CA10: variants seen among roughly 807,000 people sequenced by gnomAD.
CA10 encodes the protein carbonic anhydrase-related protein 10.
CA10 carries 14 observed loss-of-function variants against 44.2 expected under a neutral mutation model. The observed-to-expected ratio is 0.32, with a 90% confidence interval of 0.21 to 0.50. CA10 has a LOEUF of 0.50. CA10 is among the 20% of genes least tolerant of loss of function. The pLI, the probability that CA10 is intolerant of heterozygous loss-of-function variation, is 0.99. For missense variants in CA10, 350 were observed against 409.7 expected (o/e 0.85, Z 1.26); for synonymous variants, 159 against 141.6 (o/e 1.12, Z -0.87).
At chr17:51,841,446 G>A (rs1396141227) in intron 3 of CA10, among the ~76,000 whole-genome samples, 1 of 152,198 alleles carries the variant, frequency 6.6e-6, no homozygotes, top group Non-Finnish European at 1.5e-5. Context: ...TGGTGCTCAT[G>A]GCAGTGTTTC....
intron 2 of CA10, among the ~76,000 whole-genome samples, chr17:52,065,433 C>T (rs1987508618): frequency 1.3e-5 from 2 of 152,148 alleles, no homozygotes; most frequent in African/African-American, 4.8e-5. Context: ...TATTCTGACC[C>T]AAGTTTGTTT....
intron 2 of CA10, among the ~76,000 whole-genome samples, chr17:51,985,836 C>T (rs1984814621): frequency 6.6e-6 from 1 of 151,974 alleles, no homozygotes; most frequent in African/African-American, 2.4e-5. Context: ...CTACAAAACA[C>T]TGCTGAAAGA....
chr17:52,086,013 C>A (rs959408177), intron 1 of CA10, among the ~76,000 whole-genome samples: 1 of 152,128 alleles, frequency 6.6e-6, no homozygotes, highest in Admixed American at 6.5e-5. Flanking sequence ...CAATTTATTT[C>A]ATTTCAGTCC....
At chr17:51,925,788 A>G (rs953619842) in intron 3 of CA10, among the ~76,000 whole-genome samples, 1 of 152,214 alleles carries the variant, frequency 6.6e-6, no homozygotes, top group Non-Finnish European at 1.5e-5. Context: ...ACATGCTCCA[A>G]CATGGATGGA....
intron 2 of CA10, among the ~76,000 whole-genome samples, chr17:52,059,323 C>A (rs1404503460): frequency 1.3e-5 from 2 of 152,086 alleles, no homozygotes; most frequent in Non-Finnish European, 2.9e-5. Context: ...AGCTCAATAC[C>A]CTGATTCTAT....
intron 3 of CA10, among the ~76,000 whole-genome samples, chr17:51,849,250 T>C (rs1171772659): frequency 1.5e-5 from 2 of 136,526 alleles, no homozygotes; most frequent in Admixed American, 7.6e-5. Context: ...TATATATATA[T>C]ATATATATAT....
chr17:51,838,229 C>T (rs891664211), intron 3 of CA10, among the ~76,000 whole-genome samples: 8 of 152,202 alleles, frequency 5.3e-5, no homozygotes, highest in Non-Finnish European at 8.8e-5. Flanking sequence ...AATCAAGATT[C>T]CTGGCTCTGC....
intron 4 of CA10, among the ~76,000 whole-genome samples, chr17:51,655,875 G>A (rs1913773725): frequency 6.6e-6 from 1 of 152,220 alleles, no homozygotes; most frequent in South Asian, 2.1e-4. Context: ...TGCCAGTGGA[G>A]ATGGATGACT....
rs935060725 is a variant in CA10, at chr17:51,931,050, G to T, written c.219C>A (p.Thr73=). The change falls in exon 3 of 9, where the codon ACC becomes ACA. Residue 73 remains threonine (T), a synonymous_variant. Transcript: ENST00000451037. ...GAAAGGGGTCGAAGATCATGTGACT[G>T]GTCTCTATGTTGACTGGCGACTGCC... ...GKRQSPVNIE[T]SHMIFDPFLT... 5 of 1,613,468 alleles carry T rather than the reference G, an allele frequency of 3.1e-6. No homozygotes were observed. The highest frequency in any genetic ancestry group is 2.2e-5 in the East Asian group (1 of 44,866).
At chr17:51,698,205 C>T (rs577464714) in intron 4 of CA10, among the ~76,000 whole-genome samples, 99 of 152,290 alleles carry the variant, frequency 6.5e-4, no homozygotes, top group African/African-American at 2.2e-3. Flanking sequence ...TGATTGCTGT[C>T]GCTATGTTCT....
At chr17:51,823,934 C>G (rs1907913968) in intron 3 of CA10, among the ~76,000 whole-genome samples, 1 of 152,110 alleles carries the variant, frequency 6.6e-6, no homozygotes, top group Admixed American at 6.6e-5. Flanking sequence ...TCTTTCTTAC[C>G]CCTCTCTGCT....
At chr17:52,148,469 A>C (rs1040100631) in intron 1 of CA10, among the ~76,000 whole-genome samples, 18 of 152,252 alleles carry the variant, frequency 1.2e-4, no homozygotes, top group Non-Finnish European at 2.2e-4. Context: ...TCAAATGGAA[A>C]TATGAGTCAG....
intron 3 of CA10, among the ~76,000 whole-genome samples, chr17:51,781,091 G>A (rs911322646): frequency 1.3e-5 from 2 of 152,154 alleles, no homozygotes; most frequent in African/African-American, 4.8e-5. Flanking sequence ...GGAAGAACTG[G>A]GAGGGAAGGC....
intron 4 of CA10, among the ~76,000 whole-genome samples, chr17:51,655,056 T>A (rs1273316369): frequency 2.0e-5 from 3 of 152,138 alleles, no homozygotes; most frequent in Non-Finnish European, 4.4e-5. Flanking sequence ...TAGTCCACAG[T>A]AACTGTTAAA....
At position 51,717,829 on chromosome 17, in the gene CA10, GTATATATATATATA is replaced by G. The variant is rs55932655; in HGVS notation, c.465+29790_465+29803del. 1.0e-3 allele frequency among the ~76,000 whole-genome samples: 8 copies of G among 7,916 alleles called. 2 individuals are homozygous for G. The highest frequency in any genetic ancestry group is 9.5e-3 in the South Asian group (2 of 210). 5.2% of individuals were successfully genotyped at this position (7,916 alleles called of 152,430 possible). ...TATATACACGTATATATATGTGTGT[GTATATATATATATA>G]TATATATATATATATATATATATAT... is the stretch of plus-strand genomic sequence containing the variant. On this transcript the variant is annotated intron_variant, in intron 4 of 8. Transcript: ENST00000451037.
intron 3 of CA10, among the ~76,000 whole-genome samples, chr17:51,866,770 G>T (rs992284588): frequency 2.0e-5 from 3 of 152,100 alleles, no homozygotes. Context: ...TAGTCACATG[G>T]TTTATGATGT....
chr17:51,989,306 T>C (rs1329265838), intron 2 of CA10, among the ~76,000 whole-genome samples: 1 of 151,990 alleles, frequency 6.6e-6, no homozygotes, highest in Admixed American at 6.6e-5. Flanking sequence ...CTGATTCCTT[T>C]CCCTTCTCCC....
chr17:51,974,159 G>T (rs980237416), intron 2 of CA10, among the ~76,000 whole-genome samples: 4 of 152,112 alleles, frequency 2.6e-5, no homozygotes, highest in African/African-American at 9.7e-5. Context: ...GTAGAGGCAG[G>T]CAGATCACGA....
intron 1 of CA10, among the ~76,000 whole-genome samples, chr17:52,146,583 G>A (rs994450740): frequency 2.6e-5 from 4 of 151,924 alleles, no homozygotes; most frequent in African/African-American, 7.3e-5. Flanking sequence ...CCAGCTACTC[G>A]GGAGGCTGAG....
Sources: allele counts gnomAD v4.1 joint callset (sites outside exome capture counted in the v4.1 genomes callset), GRCh38; gene constraint gnomAD v4.1.1; transcripts MANE v1.5; gene names NCBI Gene and HGNC (gene_info 2026-07-23, HGNC 2026-07-21).